Variants in FTO observed in about 807,000 individuals in gnomAD.
FTO encodes alpha-ketoglutarate-dependent dioxygenase FTO.
Under a neutral mutation model 63.9 loss-of-function variants are expected in FTO, and 47 were observed. The ratio of observed to expected loss-of-function variants is 0.74; its 90% CI spans 0.58 to 0.94. The LOEUF is 0.94. FTO is among the 40% of genes least tolerant of loss of function. The pLI, the probability that FTO is intolerant of heterozygous loss-of-function variation, is 0.00. For synonymous variants in FTO, 207 were observed against 224.4 expected (o/e 0.92, Z 0.69); for missense variants, 562 against 618.1 (o/e 0.91, Z 0.96).
At chr16:53,805,472 G>A (rs1437364312) in intron 1 of FTO, among the ~76,000 whole-genome samples, 2 of 142,206 alleles carry the variant, frequency 1.4e-5, no homozygotes, top group East Asian at 2.2e-4. Flanking sequence ...TTGAGACAGA[G>A]AGTCTTATTC....
chr16:53,937,544 T>C, intron 8 of FTO: 1 of 333,296 alleles, frequency 3.0e-6, no homozygotes, highest in Non-Finnish European at 5.4e-6. Flanking sequence ...TAGGCTACTT[T>C]AGGGTCACTC....
At chr16:53,734,137 C>G (rs1389517180) in intron 1 of FTO, among the ~76,000 whole-genome samples, 2 of 152,190 alleles carry the variant, frequency 1.3e-5, no homozygotes, top group African/African-American at 4.8e-5. Flanking sequence ...TAAGGAAATT[C>G]TCTGCCAGAC....
intron 7 of FTO, among the ~76,000 whole-genome samples, chr16:53,933,595 G>C (rs2082327314): frequency 6.6e-6 from 1 of 152,146 alleles, no homozygotes; most frequent in African/African-American, 2.4e-5. Context: ...ACAAGAGAGT[G>C]AAAGTCAGAG....
chr16:53,971,091 G>C lies in FTO; in HGVS notation c.1364+36982G>C, dbSNP rs1194980863. ...AGGAGCCTGTGATTTTTCACTTACT[G>C]TTAGAAGCAGTTTCTTTATATGATT... On this transcript the variant is annotated intron_variant, in intron 8 of 8. Coordinates refer to ENST00000471389, the MANE Select transcript of FTO (RefSeq NM_001080432.3). Among the ~76,000 whole-genome samples the C allele has an allele frequency of 5.3e-5, 8 of 152,212 alleles. No individual in the cohort carries two copies. The East Asian group carries it at 1.5e-3, about 29-fold the overall frequency.
chr16:53,889,283 T>G (rs2081087689), intron 7 of FTO, among the ~76,000 whole-genome samples: 1 of 152,224 alleles, frequency 6.6e-6, no homozygotes, highest in Non-Finnish European at 1.5e-5. Flanking sequence ...GTATTAACTT[T>G]AAAAAATTTT....
rs2081532515 is a variant in FTO at position 53,906,133 on chromosome 16, A to G, written c.1239+17182A>G. Among the ~76,000 whole-genome samples, 2 of 152,252 alleles carry G rather than the reference A, an allele frequency of 1.3e-5. 1 individual carries two copies. Among genetic ancestry groups the G allele is most frequent in the South Asian group, 4.1e-4 (2 of 4,836 alleles). Reference sequence around the variant, plus strand: ...CTCCAGGCATCGGGGTTCAGTAGCCATAGCTCTCGATCTTGGCTGCATATT... The same window carrying G: ...CTCCAGGCATCGGGGTTCAGTAGCCGTAGCTCTCGATCTTGGCTGCATATT... On this transcript the variant is annotated intron_variant, in intron 7 of 8. Coordinates refer to ENST00000471389, the MANE Select transcript of FTO (RefSeq NM_001080432.3).
intron 8 of FTO, among the ~76,000 whole-genome samples, chr16:54,068,505 T>C (rs2085785414): frequency 6.6e-6 from 1 of 152,100 alleles, no homozygotes; most frequent in African/African-American, 2.4e-5. Flanking sequence ...GCCCTATTGT[T>C]CACATGTCCC....
chr16:53,770,763 A>G (rs1454707571), intron 1 of FTO, among the ~76,000 whole-genome samples: 1 of 152,172 alleles, frequency 6.6e-6, no homozygotes, highest in African/African-American at 2.4e-5. Flanking sequence ...AGTGCCAGAG[A>G]AGAAAAGTGC....
At chr16:54,059,955 G>A (rs1460787825) in intron 8 of FTO, among the ~76,000 whole-genome samples, 1 of 151,974 alleles carries the variant, frequency 6.6e-6, no homozygotes, top group East Asian at 1.9e-4. Context: ...AATAAAACGT[G>A]TTTTAAAAAA....
chr16:53,757,102 T>C (rs1172594294), intron 1 of FTO, among the ~76,000 whole-genome samples: 1 of 152,156 alleles, frequency 6.6e-6, no homozygotes, highest in Admixed American at 6.5e-5. Flanking sequence ...AAAAATATTT[T>C]TAAAAATACG....
At chr16:53,815,443 T>C (rs895031052) in intron 2 of FTO, among the ~76,000 whole-genome samples, 4 of 152,116 alleles carry the variant, frequency 2.6e-5, no homozygotes, top group African/African-American at 4.8e-5. Flanking sequence ...GCCTCAACTA[T>C]GTAGGCCACA....
At chr16:53,771,570 A>G (rs2077342033) in intron 1 of FTO, among the ~76,000 whole-genome samples, 1 of 152,138 alleles carries the variant, frequency 6.6e-6, no homozygotes, top group South Asian at 2.1e-4. Context: ...ATGTTTCCTC[A>G]AAATGTTATA....
At chr16:53,830,388 A>G (rs551439143) in intron 3 of FTO, among the ~76,000 whole-genome samples, 48 of 152,290 alleles carry the variant, frequency 3.2e-4, no homozygotes, top group African/African-American at 1.1e-3. Flanking sequence ...TAAAAACCCA[A>G]TGTTTAATAT....
chr16:54,001,533 T>C (rs1438027334), intron 8 of FTO, among the ~76,000 whole-genome samples: 8 of 152,204 alleles, frequency 5.3e-5, no homozygotes, highest in Non-Finnish European at 4.4e-5. Context: ...TTACACATAC[T>C]GAAAGTGATA....
intron 2 of FTO, among the ~76,000 whole-genome samples, chr16:53,815,435 C>T (rs762219955): frequency 6.6e-6 from 1 of 152,048 alleles, no homozygotes; most frequent in Non-Finnish European, 1.5e-5. Context: ...CAGACACTGC[C>T]TCAACTATGT....
chr16:54,049,459 C>G (rs1291653402), intron 8 of FTO, among the ~76,000 whole-genome samples: 2 of 152,142 alleles, frequency 1.3e-5, no homozygotes, highest in Non-Finnish European at 2.9e-5. Flanking sequence ...TCAGGCTGAT[C>G]TACCACCTGG....
chr16:53,839,887 C>T (rs1397586182), intron 3 of FTO, among the ~76,000 whole-genome samples: 1 of 151,756 alleles, frequency 6.6e-6, no homozygotes, highest in Non-Finnish European at 1.5e-5. Flanking sequence ...TCACTGCAAC[C>T]TCTGCCTCCT....
chr16:53,748,958 G>T (rs1047029200), intron 1 of FTO, among the ~76,000 whole-genome samples: 1 of 150,814 alleles, frequency 6.6e-6, no homozygotes, highest in Non-Finnish European at 1.5e-5. Context: ...TAGAGACGAG[G>T]TTTCACCATG....
At chr16:53,735,159 A>C (rs187240186) in intron 1 of FTO, among the ~76,000 whole-genome samples, 7 of 152,348 alleles carry the variant, frequency 4.6e-5, no homozygotes, top group Admixed American at 3.9e-4. Flanking sequence ...CTTTTGTTCC[A>C]CACTGGCCAA....
Sources: allele counts gnomAD v4.1 joint callset (sites outside exome capture counted in the v4.1 genomes callset), GRCh38; gene constraint gnomAD v4.1.1; transcripts MANE v1.5; gene names NCBI Gene and HGNC (gene_info 2026-07-23, HGNC 2026-07-21).